RFX3: variants seen among roughly 807,000 people sequenced by gnomAD.
RFX3 encodes transcription factor RFX3.
RFX3 carries 14 observed loss-of-function variants against 98.6 expected under a neutral mutation model. That is an observed-to-expected ratio of 0.14 (90% CI 0.09 to 0.22). The LOEUF (loss-of-function observed/expected upper bound fraction) is 0.22. Ranked by LOEUF, RFX3 falls within the 10% of genes least tolerant of loss-of-function variation. RFX3 has a pLI of 1.00. For missense variants in RFX3, 639 were observed against 926.9 expected (o/e 0.69, Z 4.03); for synonymous variants, 383 against 328.4 (o/e 1.17, Z -1.80).
rs538557197 is a variant in RFX3 at position 3,439,127 on chromosome 9, G to A, written c.-8-43531C>T. Among the ~76,000 whole-genome samples the A allele has an allele frequency of 6.0e-5, 9 of 150,996 alleles. No individual in the cohort carries two copies. The South Asian group carries it at 8.3e-4, about 14-fold the overall frequency. ...GATTAGAAAGTATTTTAAACTGAAC[G>A]AAATTAAAAAAAATAAAAATAAAAA... is the stretch of plus-strand genomic sequence containing the variant. On this transcript the variant is annotated intron_variant, in intron 1 of 16. Coordinates refer to ENST00000617270, the MANE Select transcript of RFX3 (RefSeq NM_001282116.2).
chr9:3,406,610 T>G (rs1842000025), intron 1 of RFX3, among the ~76,000 whole-genome samples: 1 of 152,124 alleles, frequency 6.6e-6, no homozygotes, highest in Non-Finnish European at 1.5e-5. Flanking sequence ...AATCTTTGAT[T>G]TGTTGAAAGA....
chr9:3,285,873 T>C (rs971449794), intron 7 of RFX3, among the ~76,000 whole-genome samples: 1 of 151,766 alleles, frequency 6.6e-6, no homozygotes, highest in Non-Finnish European at 1.5e-5. Context: ...CAGAGGTTTT[T>C]ATGGCTTGCT....
At chr9:3,237,604 A>G (rs1190046225) in intron 15 of RFX3, among the ~76,000 whole-genome samples, 2 of 152,196 alleles carry the variant, frequency 1.3e-5, no homozygotes, top group African/African-American at 4.8e-5. Context: ...ACTAACAAAG[A>G]TCAGGAACCT....
At chr9:3,399,694 G>C (rs919581260) in intron 1 of RFX3, among the ~76,000 whole-genome samples, 4 of 152,056 alleles carry the variant, frequency 2.6e-5, no homozygotes, top group Non-Finnish European at 5.9e-5. Context: ...GCTCACGCTT[G>C]TAATCCCAGC....
intron 1 of RFX3, among the ~76,000 whole-genome samples, chr9:3,519,518 TTG>T (rs1818495878): frequency 6.6e-6 from 1 of 152,204 alleles, no homozygotes; most frequent in South Asian, 2.1e-4. Flanking sequence ...TGAACACATA[TTG>T]TGTCAAATAC....
intron 3 of RFX3, among the ~76,000 whole-genome samples, chr9:3,338,704 C>G (rs7861667): frequency 6.6e-6 from 1 of 151,904 alleles, no homozygotes; most frequent in Non-Finnish European, 1.5e-5. Flanking sequence ...ATGCTGCTAG[C>G]CTGGGGAATA....
At chr9:3,356,964 C>A (rs1294943511) in intron 2 of RFX3, among the ~76,000 whole-genome samples, 15 of 139,038 alleles carry the variant, frequency 1.1e-4, no homozygotes, top group African/African-American at 4.0e-4. Flanking sequence ...TACACACATG[C>A]ACACACACGC....
chr9:3,336,084 A>C (rs1305193299), intron 3 of RFX3, among the ~76,000 whole-genome samples: 3 of 152,204 alleles, frequency 2.0e-5, no homozygotes, highest in African/African-American at 7.2e-5. Flanking sequence ...TGTCACTATA[A>C]AATCAACCAA....
chr9:3,302,086 ATTCT>A (rs1234449342), intron 4 of RFX3, among the ~76,000 whole-genome samples: 2 of 151,926 alleles, frequency 1.3e-5, no homozygotes. Context: ...ATGAACAAAG[ATTCT>A]TTCATTAATG....
rs374492561 is a variant in RFX3 at position 3,461,772 on chromosome 9, AAATT to A, written c.-9+63971_-9+63974del. 9.2e-5 allele frequency among the ~76,000 whole-genome samples: 14 copies of A among 152,102 alleles called. No homozygotes were observed. In the East Asian group the frequency reaches 2.5e-3, roughly 27 times the overall value. ...GTCATATCTATGGCTTATTGATATTAAATTAATATCCAAAGCTGTTAAATTTTAA... is the reference window on the plus strand; with the variant it reads ...GTCATATCTATGGCTTATTGATATTAAATATCCAAAGCTGTTAAATTTTAA... On this transcript the variant is annotated intron_variant, in intron 1 of 16. Transcript: ENST00000617270.
At chr9:3,245,189 T>G (rs1411498785) in intron 15 of RFX3, among the ~76,000 whole-genome samples, 1 of 152,200 alleles carries the variant, frequency 6.6e-6, no homozygotes, top group Non-Finnish European at 1.5e-5. Context: ...CTTGAACTGT[T>G]TAAGGTATTC....
chr9:3,388,003 ATACTC>A (rs1474894135), intron 2 of RFX3, among the ~76,000 whole-genome samples: 2 of 152,284 alleles, frequency 1.3e-5, no homozygotes, highest in East Asian at 1.9e-4. Flanking sequence ...ATCCAACAGA[ATACTC>A]TATTATGAAT....
At chr9:3,284,462 T>A (rs1036638660) in intron 7 of RFX3, among the ~76,000 whole-genome samples, 4 of 151,708 alleles carry the variant, frequency 2.6e-5, no homozygotes, top group Non-Finnish European at 5.9e-5. Context: ...ATATGAAGTA[T>A]TTTCAATAGA....
intron 1 of RFX3, among the ~76,000 whole-genome samples, chr9:3,403,814 A>T (rs549344379): frequency 6.6e-6 from 1 of 152,314 alleles, no homozygotes; most frequent in African/African-American, 2.4e-5. Context: ...AGAAACGAGC[A>T]GGTAGTACTG....
chr9:3,404,548 A>G (rs926085411), intron 1 of RFX3, among the ~76,000 whole-genome samples: 1 of 152,108 alleles, frequency 6.6e-6, no homozygotes, highest in East Asian at 1.9e-4. Flanking sequence ...TCCAGAAACA[A>G]TAATTCCTTT....
chr9:3,491,177 A>G (rs1850691296), intron 1 of RFX3, among the ~76,000 whole-genome samples: 1 of 152,168 alleles, frequency 6.6e-6, no homozygotes, highest in African/African-American at 2.4e-5. Context: ...CTGAGTATAT[A>G]TGAATAGGCA....
intron 1 of RFX3, among the ~76,000 whole-genome samples, chr9:3,424,486 C>G (rs377309321): frequency 6.7e-6 from 1 of 149,998 alleles, no homozygotes; most frequent in Non-Finnish European, 1.5e-5. Context: ...CTCAGCCTCC[C>G]GAGTAGCTGG....
chr9:3,286,336 T>A (rs1467628557), intron 7 of RFX3, among the ~76,000 whole-genome samples: 1 of 151,886 alleles, frequency 6.6e-6, no homozygotes, highest in African/African-American at 2.4e-5. Flanking sequence ...TTCTATAATT[T>A]ATTTTATTAT....
intron 2 of RFX3, among the ~76,000 whole-genome samples, chr9:3,353,488 G>C (rs1021957992): frequency 2.0e-5 from 3 of 152,040 alleles, no homozygotes; most frequent in African/African-American, 7.2e-5. Context: ...AACTGCACAA[G>C]TGTAAGGTGC....
Sources: gnomAD v4.1 joint callset for allele counts (sites outside exome capture counted in the v4.1 genomes callset) on GRCh38, gnomAD v4.1.1 for gene constraint, MANE v1.5 for transcripts, NCBI Gene and HGNC (gene_info 2026-07-23, HGNC 2026-07-21) for gene names.